Variants in LGSN observed in about 807,000 individuals in gnomAD.
LGSN encodes lengsin, lens protein with glutamine synthetase domain, also known as lengsin.
LGSN carries 21 observed loss-of-function variants against 19.5 expected under a neutral mutation model. The ratio of observed to expected loss-of-function variants is 1.07; its 90% CI spans 0.76 to 1.55. The LOEUF (loss-of-function observed/expected upper bound fraction) is 1.55. LGSN is among the 40% of genes most tolerant of loss of function. LGSN has a pLI of 0.00. For synonymous variants in LGSN, 257 were observed against 215.6 expected, an observed-to-expected ratio of 1.19 and a Z score of -1.68; for missense variants, 673 against 608.5, an observed-to-expected ratio of 1.11 and a Z score of -1.12.
chr6:63,301,427 G>A (rs1321910744), intron 1 of LGSN, among the ~76,000 whole-genome samples: 1 of 151,956 alleles, frequency 6.6e-6, no homozygotes, highest in Non-Finnish European at 1.5e-5. Flanking sequence ...GTTATTTAAA[G>A]GTTCTTTCAA....
At chr6:63,334,187 C>T in the LGSN span, among the ~76,000 whole-genome samples, 5,494 of 152,172 alleles carry the variant, frequency 0.036, 336 homozygotes, top group African/African-American at 0.13. Context: ...AAATTGTTCG[C>T]CTTTGCAGAT....
chr6:63,400,185 A>G, the LGSN span, among the ~76,000 whole-genome samples: 1 of 152,244 alleles, frequency 6.6e-6, no homozygotes, highest in Non-Finnish European at 1.5e-5. Context: ...GTAAATAATG[A>G]CAGAAACATT....
chr6:63,467,760 C>A, the LGSN span, among the ~76,000 whole-genome samples: 3 of 152,146 alleles, frequency 2.0e-5, no homozygotes, highest in African/African-American at 7.2e-5. Context: ...GGCGTGATCT[C>A]GGCTCACTGC....
the LGSN span, among the ~76,000 whole-genome samples, chr6:63,510,689 G>A: frequency 4.2e-5 from 1 of 23,740 alleles, no homozygotes; most frequent in African/African-American, 1.2e-4. Flanking sequence ...TTTTTTTTTT[G>A]TTGAGACAGA....
At chr6:63,351,466 A>G in the LGSN span, among the ~76,000 whole-genome samples, 1 of 151,896 alleles carries the variant, frequency 6.6e-6, no homozygotes, top group Non-Finnish European at 1.5e-5. Context: ...AGAGAAAGAG[A>G]GACAGAAACA....
intron 2 of LGSN, among the ~76,000 whole-genome samples, chr6:63,291,298 T>C (rs1355090009): frequency 2.0e-5 from 3 of 152,146 alleles, no homozygotes; most frequent in Non-Finnish European, 1.5e-5. Flanking sequence ...TTACACCCTA[T>C]TCTCTAGGTA....
the LGSN span, among the ~76,000 whole-genome samples, chr6:63,554,342 A>C: frequency 6.6e-6 from 1 of 152,194 alleles, no homozygotes. Flanking sequence ...TATCTTGTCC[A>C]GAACTTGACC....
intron 1 of LGSN, among the ~76,000 whole-genome samples, chr6:63,296,383 C>T (rs1046108739): frequency 1.3e-5 from 2 of 151,560 alleles, no homozygotes; most frequent in African/African-American, 4.8e-5. Context: ...TAGAATCTGG[C>T]AGAAATATAA....
At chr6:63,312,904 A>G (rs1768687454) in intron 1 of LGSN, among the ~76,000 whole-genome samples, 1 of 152,202 alleles carries the variant, frequency 6.6e-6, no homozygotes, top group Admixed American at 6.5e-5. Flanking sequence ...AAACCCAAAA[A>G]GCAAAGACTT....
At chr6:63,343,133 G>C in the LGSN span, among the ~76,000 whole-genome samples, 1 of 152,150 alleles carries the variant, frequency 6.6e-6, no homozygotes, top group African/African-American at 2.4e-5. Context: ...AAATATAATA[G>C]TTTGAATAAT....
the LGSN span, among the ~76,000 whole-genome samples, chr6:63,355,076 T>C: frequency 6.6e-6 from 1 of 152,112 alleles, no homozygotes; most frequent in African/African-American, 2.4e-5. Flanking sequence ...TAAACAACAA[T>C]GTATTGTATA....
chr6:63,288,055 T>C (rs1001040102), intron 2 of LGSN, among the ~76,000 whole-genome samples: 2 of 151,410 alleles, frequency 1.3e-5, no homozygotes, highest in African/African-American at 4.9e-5. Flanking sequence ...CTCTACAAAA[T>C]GTTTTTAAAA....
chr6:63,500,646 C>T, the LGSN span, among the ~76,000 whole-genome samples: 2 of 152,086 alleles, frequency 1.3e-5, no homozygotes, highest in African/African-American at 2.4e-5. Flanking sequence ...GTTTCAAACT[C>T]CCGACCTCAG....
At chr6:63,505,353 G>A in the LGSN span, among the ~76,000 whole-genome samples, 23 of 151,390 alleles carry the variant, frequency 1.5e-4, no homozygotes, top group Admixed American at 5.9e-4. Context: ...GAGGTGGGTG[G>A]ATCACCTTGA....
At chr6:63,569,019 G>T in the LGSN span, among the ~76,000 whole-genome samples, 1 of 152,088 alleles carries the variant, frequency 6.6e-6, no homozygotes. Flanking sequence ...TTATGGCAAT[G>T]ATATTACTCT....
the LGSN span, chr6:63,571,821 T>C: frequency 1.3e-5 from 2 of 152,282 alleles, no homozygotes; most frequent in East Asian, 3.9e-4. Context: ...CCCCATCTTC[T>C]ATAGCCTTAA....
chr6:63,516,089 C>T, the LGSN span, among the ~76,000 whole-genome samples: 1 of 151,942 alleles, frequency 6.6e-6, no homozygotes, highest in African/African-American at 2.4e-5. Context: ...CCCTTTATTA[C>T]CTTGTTGAAA....
the LGSN span, among the ~76,000 whole-genome samples, chr6:63,557,293 T>G: frequency 6.6e-6 from 1 of 152,172 alleles, no homozygotes; most frequent in Non-Finnish European, 1.5e-5. Context: ...GGTGTGGGCA[T>G]GGTGGCTCAT....
At chr6:63,468,250 T>C in the LGSN span, among the ~76,000 whole-genome samples, 1 of 152,070 alleles carries the variant, frequency 6.6e-6, no homozygotes, top group Non-Finnish European at 1.5e-5. Context: ...TGCCTCAGCC[T>C]CCTGAGTAGC....
Sources: gnomAD v4.1 joint callset for allele counts (sites outside exome capture counted in the v4.1 genomes callset) on GRCh38, gnomAD v4.1.1 for gene constraint, MANE v1.5 for transcripts, NCBI Gene and HGNC (gene_info 2026-07-23, HGNC 2026-07-21) for gene names.